Variants in CNTNAP5 observed in about 807,000 individuals in gnomAD.
CNTNAP5 encodes contactin-associated protein-like 5.
CNTNAP5 carries 72 observed loss-of-function variants against 150.2 expected under a neutral mutation model. The observed-to-expected ratio is 0.48, with a 90% CI of 0.40 to 0.58. The LOEUF is 0.58. Among genes scored for constraint, CNTNAP5 ranks in the 20% least tolerant of loss-of-function variants. The pLI is 0.00. For synonymous variants in CNTNAP5, 672 were observed against 619.8 expected, an observed-to-expected ratio of 1.08 and a Z score of -1.25; for missense variants, 1,636 against 1,626.2, an observed-to-expected ratio of 1.01 and a Z score of -0.10.
intron 1 of CNTNAP5, among the ~76,000 whole-genome samples, chr2:124,111,843 C>A (rs1683306643): frequency 6.6e-6 from 1 of 152,190 alleles, no homozygotes; most frequent in Admixed American, 6.5e-5. Flanking sequence ...CTTTGTGTCA[C>A]TACACTGTAT....
chr2:124,309,018 A>C (rs935654498), intron 3 of CNTNAP5, among the ~76,000 whole-genome samples: 3 of 152,160 alleles, frequency 2.0e-5, no homozygotes, highest in Admixed American at 6.5e-5. Flanking sequence ...GATGCATGAA[A>C]ACTCAGATGA....
At chr2:124,647,989 G>A (rs757696374) in intron 13 of CNTNAP5, 31 bp downstream of exon 13, 5 of 1,555,354 alleles carry the variant, frequency 3.2e-6, no homozygotes, top group Non-Finnish European at 4.4e-6. Context: ...ACCACAGTGG[G>A]ATAGATGGGA....
chr2:124,726,641 C>CAA (rs35201874), intron 13 of CNTNAP5, among the ~76,000 whole-genome samples: 1 of 150,936 alleles, frequency 6.6e-6, no homozygotes, highest in Non-Finnish European at 1.5e-5. Context: ...ACGTCTTCTT[C>CAA]AAAAAAAAGT....
At position 124,839,978 on chromosome 2, in the gene CNTNAP5, A is replaced by G. The variant is rs148754664; in HGVS notation, c.3218-25328A>G. Among the ~76,000 whole-genome samples the G allele has an allele frequency of 1.1e-4, 16 of 152,254 alleles. 1 individual carries two copies. In the East Asian group the frequency reaches 3.1e-3, roughly 29 times the overall value. On this transcript the variant is annotated intron_variant, in intron 19 of 23. Transcript: ENST00000682447. Reference sequence around the variant, plus strand: ...ATACATGTGACAAGGTAAAAAAGTGACACAGTTTTCTTTCTATGCATAGGT... The same window carrying G: ...ATACATGTGACAAGGTAAAAAAGTGGCACAGTTTTCTTTCTATGCATAGGT...
chr2:124,853,651 G>C (rs559944043), intron 19 of CNTNAP5, among the ~76,000 whole-genome samples: 3 of 151,906 alleles, frequency 2.0e-5, no homozygotes, highest in Admixed American at 6.6e-5. Context: ...TTACCTCCAC[G>C]CATTTTTTTT....
chr2:124,806,837 G>T (rs1485100832), intron 19 of CNTNAP5, among the ~76,000 whole-genome samples: 1 of 152,020 alleles, frequency 6.6e-6, no homozygotes, highest in Non-Finnish European at 1.5e-5. Flanking sequence ...TCACTTGAAA[G>T]ATGTGGCATA....
At position 124,798,840 on chromosome 2, in the gene CNTNAP5, C is replaced by CT. The variant is rs70999219; in HGVS notation, c.3217+529dup. 5.2e-3 allele frequency among the ~76,000 whole-genome samples: 780 copies of CT among 150,868 alleles called. 5 individuals carry two copies. The highest frequency in any genetic ancestry group is 5.8e-3 in the Non-Finnish European group (390 of 67,658). On this transcript the variant is annotated intron_variant, in intron 19 of 23. Transcript: ENST00000682447. ...GGGAATCAAATTTCTTTTTTTCAGG[C>CT]TTTTTTTTTAAAGATAATGACAAAT... is the stretch of plus-strand genomic sequence containing the variant.
chr2:124,256,603 C>G (rs1687322436), intron 3 of CNTNAP5, among the ~76,000 whole-genome samples: 1 of 152,120 alleles, frequency 6.6e-6, no homozygotes, highest in Non-Finnish European at 1.5e-5. Flanking sequence ...GCTTACCTGC[C>G]TCTGTCGATT....
In CNTNAP5 at chr2:124,712,303, C is replaced by T. The variant is rs571564699; in HGVS notation, c.2078-34926C>T. ...TGTTCTAAGCATTTACTTGTATTGC[C>T]TCATTTAATCCTCACAACAACCATA... On this transcript the variant is annotated intron_variant, in intron 13 of 23. Coordinates refer to ENST00000682447, the MANE Select transcript of CNTNAP5 (RefSeq NM_001367498.1). Among the ~76,000 whole-genome samples the T allele has an allele frequency of 3.3e-5, 5 of 152,288 alleles. No homozygotes were observed. The East Asian group carries it at 5.8e-4, about 18-fold the overall frequency.
chr2:124,148,214 G>A (rs544984839), intron 1 of CNTNAP5, among the ~76,000 whole-genome samples: 11 of 150,934 alleles, frequency 7.3e-5, no homozygotes, highest in South Asian at 2.1e-4. Context: ...TCTCACTACC[G>A]CGTGAACCCA....
chr2:124,431,316 G>T (rs1473393013), intron 4 of CNTNAP5, among the ~76,000 whole-genome samples: 12 of 151,902 alleles, frequency 7.9e-5, no homozygotes, highest in African/African-American at 2.9e-4. Flanking sequence ...GAGTGGACTG[G>T]AGAAAAGAAA....
At position 124,914,469 on chromosome 2, in the gene CNTNAP5, A is replaced by G. The variant is rs1292572441; in HGVS notation, c.*181A>G. The G allele has an allele frequency of 5.1e-6, 3 of 589,556 alleles. No individual in the cohort carries two copies. Among genetic ancestry groups the G allele is most frequent in the African/African-American group, 1.9e-5 (1 of 53,204 alleles). 36.5% of individuals were successfully genotyped at this position (589,556 alleles called of 1,614,324 possible). A position where few individuals can be genotyped will look rare whatever the true frequency, so the allele number is the denominator to read the frequency against. The stretch of plus-strand genomic sequence containing the variant: ...ATCCAGCCCAAGAGACCAGGCAGCC[A>G]TGGCCACTGCCTTCCTCTCTGATGA... On this transcript the variant is annotated 3_prime_UTR_variant, in exon 24 of 24. Transcript: ENST00000682447.
chr2:124,769,044 C>G (rs761710969), intron 16 of CNTNAP5, among the ~76,000 whole-genome samples: 1 of 152,080 alleles, frequency 6.6e-6, no homozygotes, highest in East Asian at 1.9e-4. Flanking sequence ...TTCCATAAAT[C>G]GACCCTGAAA....
At chr2:124,034,350 C>T (rs1681151874) in intron 1 of CNTNAP5, among the ~76,000 whole-genome samples, 1 of 152,122 alleles carries the variant, frequency 6.6e-6, no homozygotes. Flanking sequence ...GCAAGGACAG[C>T]TACATTTCCA....
chr2:124,163,054 A>C (rs965206481), intron 1 of CNTNAP5, among the ~76,000 whole-genome samples: 1 of 152,126 alleles, frequency 6.6e-6, no homozygotes, highest in African/African-American at 2.4e-5. Context: ...TACATTCTTG[A>C]ACCCTTTCTC....
chr2:124,483,334 T>G (rs1693801837), intron 7 of CNTNAP5, among the ~76,000 whole-genome samples: 1 of 152,196 alleles, frequency 6.6e-6, no homozygotes, highest in African/African-American at 2.4e-5. Flanking sequence ...CACTAGGAGC[T>G]TGGGACCAGT....
intron 13 of CNTNAP5, among the ~76,000 whole-genome samples, chr2:124,686,345 C>T (rs1184499008): frequency 6.6e-6 from 1 of 152,052 alleles, no homozygotes; most frequent in Non-Finnish European, 1.5e-5. Context: ...CAACATGACA[C>T]TTATTTGAAC....
At chr2:124,532,047 G>A (rs770214954) in intron 10 of CNTNAP5, among the ~76,000 whole-genome samples, 9 of 152,152 alleles carry the variant, frequency 5.9e-5, no homozygotes, top group Non-Finnish European at 8.8e-5. Flanking sequence ...GATTGGCTAT[G>A]TATTGTTAAG....
chr2:124,150,839 G>C (rs917652993), intron 1 of CNTNAP5, among the ~76,000 whole-genome samples: 1 of 152,052 alleles, frequency 6.6e-6, no homozygotes, highest in Non-Finnish European at 1.5e-5. Flanking sequence ...CATTTGTGGG[G>C]GGCACAAACA....
Sources: allele counts gnomAD v4.1 joint callset (sites outside exome capture counted in the v4.1 genomes callset), GRCh38; gene constraint gnomAD v4.1.1; transcripts MANE v1.5; gene names NCBI Gene and HGNC (gene_info 2026-07-23, HGNC 2026-07-21).